The following TMEM230 variants were observed in gnomAD, a reference collection of about 807,000 sequenced individuals.
TMEM230 encodes the protein UPF0414 transmembrane protein C20orf30.
In TMEM230, 10 loss-of-function variants were observed where a neutral mutation model predicts 15.8. The ratio of observed to expected loss-of-function variants is 0.63; its 90% confidence interval spans 0.39 to 1.07. The LOEUF is 1.07. TMEM230 is among the 50% of genes least tolerant of loss of function. The pLI is 0.01. For missense variants in TMEM230, 165 were observed against 193.3 expected, an observed-to-expected ratio of 0.85 and a Z score of 0.87; for synonymous variants, 67 against 76.9, an observed-to-expected ratio of 0.87 and a Z score of 0.68.
chr20:5,084,639 A>G (rs2089283686), intron 3 of TMEM230, among the ~76,000 whole-genome samples: 1 of 151,562 alleles, frequency 6.6e-6, no homozygotes, highest in Non-Finnish European at 1.5e-5. Context: ...GGTTCAAGCG[A>G]TTCTCTCCCT....
At chr20:5,110,352 T>C (rs955716273) in intron 2 of TMEM230, among the ~76,000 whole-genome samples, 8 of 151,754 alleles carry the variant, frequency 5.3e-5, no homozygotes, top group Admixed American at 5.3e-4. Flanking sequence ...TGGCGCAATC[T>C]CCATTCACTG....
At chr20:5,070,967 G>C (rs1441957843) in intron 3 of TMEM230, among the ~76,000 whole-genome samples, 1 of 152,020 alleles carries the variant, frequency 6.6e-6, no homozygotes, top group South Asian at 2.1e-4. Context: ...AAAAGAAATT[G>C]GCTTCCCAGA....
the TMEM230 span, chr20:5,061,389 T>C: frequency 6.6e-6 from 1 of 152,180 alleles, no homozygotes; most frequent in Admixed American, 6.6e-5. Context: ...GCATCAGCAT[T>C]ACCTGGGAGT....
At chr20:5,098,475 A>C (rs978917583), downstream of TMEM230, 2 of 152,202 alleles carry the variant, frequency 1.3e-5, no homozygotes, top group Non-Finnish European at 2.9e-5. Flanking sequence ...ATGGCCGTAG[A>C]GGTTTAGGTC....
At chr20:5,084,812 G>A (rs1351836117) in intron 3 of TMEM230, among the ~76,000 whole-genome samples, 2 of 152,128 alleles carry the variant, frequency 1.3e-5, no homozygotes, top group Non-Finnish European at 2.9e-5. Context: ...GGGATTACAG[G>A]CGTGAGCCAC....
chr20:5,093,958 CCT>C (rs1491429989), intron 3 of TMEM230, among the ~76,000 whole-genome samples: 1 of 149,734 alleles, frequency 6.7e-6, no homozygotes, highest in Non-Finnish European at 1.5e-5. Context: ...TTTTTTTTCC[CCT>C]TTTTCCTTTG....
At chr20:5,080,443 C>T (rs920090971) in intron 3 of TMEM230, among the ~76,000 whole-genome samples, 11 of 152,212 alleles carry the variant, frequency 7.2e-5, no homozygotes, top group African/African-American at 2.7e-4. Context: ...GACCCCATGA[C>T]TGCTTCTCTC....
intron 3 of TMEM230, among the ~76,000 whole-genome samples, chr20:5,084,281 T>C (rs1183070304): frequency 2.0e-5 from 3 of 151,634 alleles, no homozygotes; most frequent in African/African-American, 4.9e-5. Context: ...TGGAGTGTAG[T>C]GGCACAATCT....
intron 3 of TMEM230, among the ~76,000 whole-genome samples, chr20:5,076,950 T>C (rs1228208480): frequency 6.7e-6 from 1 of 149,352 alleles, no homozygotes; most frequent in Non-Finnish European, 1.5e-5. Flanking sequence ...AGTGCTGGGA[T>C]TACAGGTGTG....
chr20:5,094,105 C>T (rs61561938), intron 3 of TMEM230, among the ~76,000 whole-genome samples: 10,680 of 151,824 alleles, frequency 0.07, 478 homozygotes, highest in Non-Finnish European at 0.1. Flanking sequence ...ATTACAGGCA[C>T]GTGCCACCAT....
In TMEM230 at chr20:5,100,336, C is replaced by G. The variant is rs887720470; in HGVS notation, c.*455G>C. The G allele has an allele frequency of 1.0e-6, 1 of 985,384 alleles. No individual in the cohort carries two copies. Among genetic ancestry groups the G allele is most frequent in the African/African-American group, 1.7e-5 (1 of 57,228 alleles). The allele number at this position is 985,384 out of a possible 1,614,324, so 61.0% of individuals were successfully genotyped here. On this transcript the variant is annotated 3_prime_UTR_variant, in exon 5 of 5. Coordinates refer to ENST00000342308, the MANE Select transcript of TMEM230 (RefSeq NM_001009923.2). ...CACTGATCTTTGATTTTACTAAGGT[C>G]TTCCACTGGAACATGAAGGTAGGGA...
At chr20:5,072,805 C>A (rs1257477340) in intron 3 of TMEM230, among the ~76,000 whole-genome samples, 1 of 142,832 alleles carries the variant, frequency 7.0e-6, no homozygotes, top group African/African-American at 2.7e-5. Flanking sequence ...GCCGAGATCA[C>A]GCCATTGCAC....
At chr20:5,101,052 G>A (rs757046692) in intron 4 of TMEM230, 121 bp from the exon 4 acceptor site, 7 of 1,195,430 alleles carry the variant, frequency 5.9e-6, no homozygotes, top group Non-Finnish European at 6.7e-6. Flanking sequence ...TCTTTGAGTT[G>A]TATACCACCA....
chr20:5,093,854 T>A (rs1382092164), intron 3 of TMEM230, among the ~76,000 whole-genome samples: 1 of 151,990 alleles, frequency 6.6e-6, no homozygotes, highest in East Asian at 1.9e-4. Context: ...GTCCCATTTA[T>A]CAAAGCTATA....
At position 5,100,662 on chromosome 20, in the gene TMEM230, A is replaced by C; in HGVS notation, c.*129T>G. On this transcript the variant is annotated 3_prime_UTR_variant, in exon 5 of 5. Transcript: ENST00000342308. ...TTAACATCTTTGGGAAGGACCCAAA[A>C]AATCTGGCCATTATTTTCTTAAACA... 6.8e-7 allele frequency: 1 copy of C among 1,474,602 alleles called. No individual in the cohort carries two copies. Among genetic ancestry groups the C allele is most frequent in the Non-Finnish European group, 9.0e-7 (1 of 1,114,516 alleles). 91.3% of individuals were successfully genotyped at this position (1,474,602 alleles called of 1,614,324 possible).
intron 3 of TMEM230, among the ~76,000 whole-genome samples, chr20:5,071,939 T>C (rs1178557512): frequency 6.6e-6 from 1 of 152,096 alleles, no homozygotes; most frequent in African/African-American, 2.4e-5. Context: ...TTAGTAGAGA[T>C]GGGGTTTCAC....
At position 5,113,042 on chromosome 20, in the gene TMEM230, T is replaced by G. The variant is rs2090395412; in HGVS notation, c.-14A>C. The G allele has an allele frequency of 6.5e-7, 1 of 1,544,882 alleles. No individual in the cohort carries two copies. The highest frequency in any genetic ancestry group is 1.4e-5 in the African/African-American group (1 of 72,986). ...CCAAGGTTGCATGGCATGGCCCGCT[T>G]AAGTGCCACTCAGCCGGCCCCAGGC... On this transcript the variant is annotated 5_prime_UTR_variant, in exon 1 of 5. Transcript: ENST00000342308.
At chr20:5,086,734 C>T (rs1180010527) in intron 3 of TMEM230, among the ~76,000 whole-genome samples, 1 of 149,370 alleles carries the variant, frequency 6.7e-6, no homozygotes, top group Non-Finnish European at 1.5e-5. Flanking sequence ...GGGTCTTGCT[C>T]TGTTGCTCAG....
downstream of TMEM230, among the ~76,000 whole-genome samples, chr20:5,067,569 G>A (rs1279265405): frequency 4.0e-5 from 6 of 149,776 alleles, no homozygotes; most frequent in Admixed American, 2.7e-4. Flanking sequence ...TCAGCCTCCC[G>A]AGTAGCTGGG....
Sources: gnomAD v4.1 joint callset for allele counts (sites outside exome capture counted in the v4.1 genomes callset) on GRCh38, gnomAD v4.1.1 for gene constraint, MANE v1.5 for transcripts, NCBI Gene and HGNC (gene_info 2026-07-23, HGNC 2026-07-21) for gene names.